The following ZNF215 variants were observed in gnomAD, a reference collection of about 807,000 sequenced individuals.
ZNF215 encodes BWSCR2-associated zinc finger protein 2.
Under a neutral mutation model 27.2 loss-of-function variants are expected in ZNF215, and 24 were observed. That is an observed-to-expected ratio of 0.88 (90% CI 0.64 to 1.24). The LOEUF (loss-of-function observed/expected upper bound fraction) is 1.24, where lower values mean the gene tolerates loss of function less well. Among genes scored for constraint, ZNF215 ranks in the 50% most tolerant of loss-of-function variants. ZNF215 has a pLI of 0.00. For missense variants in ZNF215, 675 were observed against 605.7 expected, an observed-to-expected ratio of 1.11 and a Z score of -1.20; for synonymous variants, 210 against 204.0, an observed-to-expected ratio of 1.03 and a Z score of -0.25.
intron 6 of ZNF215, among the ~76,000 whole-genome samples, chr11:6,945,372 C>T (rs1389643160): frequency 6.6e-6 from 1 of 151,714 alleles, no homozygotes; most frequent in Non-Finnish European, 1.5e-5. Context: ...TTCATTCAAC[C>T]CTACATCCTC....
rs1850421403 is a variant in ZNF215, at chr11:6,957,697, G to T, written c.*1166G>T. On this transcript the variant is annotated 3_prime_UTR_variant, in exon 7 of 7. Transcript: ENST00000278319. The stretch of plus-strand genomic sequence containing the variant: ...TTTGTTATACATCATTTCACTTAAA[G>T]TTGCAGTTCCTAAGAACCTATTGAT... 5 of 962,040 alleles carry T rather than the reference G, an allele frequency of 5.2e-6. No homozygotes were observed. Among genetic ancestry groups the T allele is most frequent in the Non-Finnish European group, 4.9e-6 (4 of 808,872 alleles). 59.6% of individuals were successfully genotyped at this position (962,040 alleles called of 1,614,324 possible).
At chr11:6,953,889 A>G (rs914921607) in intron 6 of ZNF215, among the ~76,000 whole-genome samples, 2 of 151,912 alleles carry the variant, frequency 1.3e-5, no homozygotes, top group Non-Finnish European at 2.9e-5. Flanking sequence ...GTCTTTGATG[A>G]TGGTGATGTA....
chr11:6,937,159 A>G (rs1308666551), intron 3 of ZNF215, among the ~76,000 whole-genome samples: 1 of 151,986 alleles, frequency 6.6e-6, no homozygotes, highest in Non-Finnish European at 1.5e-5. Flanking sequence ...CAGATGTTAT[A>G]CTCTTATATA....
At chr11:6,985,367 C>A (rs1214541247), downstream of ZNF215, among the ~76,000 whole-genome samples, 1 of 152,128 alleles carries the variant, frequency 6.6e-6, no homozygotes, top group Non-Finnish European at 1.5e-5. Context: ...AAAGCCCCAA[C>A]ACAATAGACA....
chr11:6,932,553 A>C lies in ZNF215; in HGVS notation c.281A>C (p.Glu94Ala). 6.2e-7 allele frequency: 1 copy of C among 1,614,246 alleles called. No individual in the cohort carries two copies. The highest frequency in any genetic ancestry group is 8.5e-7 in the Non-Finnish European group (1 of 1,180,040). The change falls in exon 3 of 7, where the codon GAA becomes GCA. Residue 94 changes from glutamate to alanine, a missense_variant. Glu to Ala is a moderately radical substitution (Grantham distance 107). Transcript: ENST00000278319. ...KKQIIELLVL[E>A]QFLAILPEEV... ...CAGATTATAGAACTGTTGGTGCTGG[A>C]ACAATTCCTGGCAATCCTGCCTGAA...
At chr11:6,987,822 C>T (rs546796914), downstream of ZNF215, among the ~76,000 whole-genome samples, 8 of 152,276 alleles carry the variant, frequency 5.3e-5, no homozygotes, top group South Asian at 1.7e-3. Context: ...AAATTGCACC[C>T]CACTAACCCC....
intron 5 of ZNF215, among the ~76,000 whole-genome samples, chr11:6,974,191 G>T (rs1449050073): frequency 6.6e-6 from 1 of 152,098 alleles, no homozygotes; most frequent in African/African-American, 2.4e-5. Flanking sequence ...GTTTGTCAAA[G>T]ATCAGATGGT....
At chr11:6,959,924 A>G (rs886944068), downstream of ZNF215, among the ~76,000 whole-genome samples, 1 of 152,112 alleles carries the variant, frequency 6.6e-6, no homozygotes, top group Non-Finnish European at 1.5e-5. Context: ...GTCACTTCAA[A>G]TTAGAGTGGA....
At chr11:6,992,707 C>A (rs1851128834), downstream of ZNF215, among the ~76,000 whole-genome samples, 1 of 152,186 alleles carries the variant, frequency 6.6e-6, no homozygotes, top group Admixed American at 6.5e-5. Flanking sequence ...ACATTTCTAA[C>A]ATGTACCAGC....
At chr11:6,951,014 T>C (rs1474502295) in intron 6 of ZNF215, among the ~76,000 whole-genome samples, 47 of 152,136 alleles carry the variant, frequency 3.1e-4, no homozygotes, top group African/African-American at 1.1e-3. Context: ...TCTTTGGTTC[T>C]GTTTATATGC....
At chr11:6,947,136 C>A (rs1447306945) in intron 6 of ZNF215, among the ~76,000 whole-genome samples, 1 of 152,102 alleles carries the variant, frequency 6.6e-6, no homozygotes, top group African/African-American at 2.4e-5. Flanking sequence ...ACATGTTTTT[C>A]CATCTTAAAA....
At chr11:6,952,301 G>A (rs1850102944) in intron 6 of ZNF215, among the ~76,000 whole-genome samples, 2 of 152,160 alleles carry the variant, frequency 1.3e-5, no homozygotes, top group Non-Finnish European at 2.9e-5. Context: ...TTAATTTTCT[G>A]TCTTGTTGAT....
chr11:6,973,157 T>A (rs1850755153), intron 5 of ZNF215, among the ~76,000 whole-genome samples: 1 of 152,204 alleles, frequency 6.6e-6, no homozygotes, highest in Non-Finnish European at 1.5e-5. Context: ...TTTGGTTTTC[T>A]GTCCTTGCAA....
At chr11:6,980,463 T>A (rs565356192) in intron 5 of ZNF215, among the ~76,000 whole-genome samples, 37 of 152,044 alleles carry the variant, frequency 2.4e-4, no homozygotes, top group Non-Finnish European at 4.4e-5. Context: ...TCTAGAAAAA[T>A]CCGTTTTCAA....
intron 5 of ZNF215, among the ~76,000 whole-genome samples, chr11:6,965,353 G>T (rs948820532): frequency 6.6e-6 from 1 of 152,066 alleles, no homozygotes; most frequent in African/African-American, 2.4e-5. Flanking sequence ...TTTTAAACAC[G>T]TGTATAAAAG....
At chr11:6,944,264 C>T (rs1402589220) in intron 6 of ZNF215, among the ~76,000 whole-genome samples, 1 of 152,028 alleles carries the variant, frequency 6.6e-6, no homozygotes, top group Non-Finnish European at 1.5e-5. Flanking sequence ...CAACAGAGAA[C>T]AGTGCATGGT....
At chr11:6,993,326 C>A (rs1264744369), downstream of ZNF215, among the ~76,000 whole-genome samples, 1 of 152,168 alleles carries the variant, frequency 6.6e-6, no homozygotes, top group African/African-American at 2.4e-5. Flanking sequence ...TGGATTGGGA[C>A]CTCTTTTTCT....
intron 5 of ZNF215, among the ~76,000 whole-genome samples, chr11:6,980,878 T>G (rs892752792): frequency 7.9e-5 from 12 of 151,028 alleles, no homozygotes; most frequent in Admixed American, 7.3e-4. Context: ...TTTGTTCTTG[T>G]GATAGTTTAC....
chr11:6,966,681 T>C (rs1850625672), intron 5 of ZNF215, among the ~76,000 whole-genome samples: 1 of 152,078 alleles, frequency 6.6e-6, no homozygotes, highest in Admixed American at 6.6e-5. Flanking sequence ...TGGTTTATCA[T>C]TTTCATTGAT....
Sources: gnomAD v4.1 joint callset for allele counts (sites outside exome capture counted in the v4.1 genomes callset) on GRCh38, gnomAD v4.1.1 for gene constraint, MANE v1.5 for transcripts, NCBI Gene and HGNC (gene_info 2026-07-23, HGNC 2026-07-21) for gene names.